Variants in SLC25A48 observed in about 807,000 individuals in gnomAD.
The protein encoded by SLC25A48 is solute carrier family 25 member 48.
In SLC25A48, 29 loss-of-function variants were observed where a neutral mutation model predicts 32.2. That is an observed-to-expected ratio of 0.90 (90% CI 0.67 to 1.23). The LOEUF (loss-of-function observed/expected upper bound fraction) is 1.23. Ranked by LOEUF, SLC25A48 falls within the 50% of genes most tolerant of loss-of-function variation. The probability of loss-of-function intolerance (pLI) is 0.00; values close to 1 mark genes in which losing one functional copy is unlikely to be tolerated. For synonymous variants in SLC25A48, 164 were observed against 172.3 expected (o/e 0.95, Z 0.38); for missense variants, 399 against 422.7 (o/e 0.94, Z 0.49).
intron 3 of SLC25A48, among the ~76,000 whole-genome samples, chr5:135,646,982 T>G (rs1752979360): frequency 1.3e-5 from 2 of 152,036 alleles, no homozygotes; most frequent in Admixed American, 6.6e-5. Context: ...TTGTACACTC[T>G]TTGCTTAGAG....
chr5:135,694,389 G>T (rs536198604), intron 3 of SLC25A48, among the ~76,000 whole-genome samples: 1 of 152,206 alleles, frequency 6.6e-6, no homozygotes. Context: ...GATGAAACCA[G>T]CTCCCCGTTA....
chr5:135,800,719 G>A (rs370542045), intron 3 of SLC25A48, among the ~76,000 whole-genome samples: 29 of 151,702 alleles, frequency 1.9e-4, no homozygotes, highest in African/African-American at 6.5e-4. Context: ...TATTTAGGAG[G>A]GGAGAGGGTG....
At chr5:135,865,893 T>C (rs1269249663) in intron 4 of SLC25A48, among the ~76,000 whole-genome samples, 2 of 152,242 alleles carry the variant, frequency 1.3e-5, no homozygotes, top group Non-Finnish European at 2.9e-5. Context: ...TATGGATTAC[T>C]AATATGTTTA....
intron 2 of SLC25A48, among the ~76,000 whole-genome samples, chr5:135,631,330 G>C (rs1333439056): frequency 1.3e-5 from 2 of 152,172 alleles, no homozygotes; most frequent in African/African-American, 4.8e-5. Flanking sequence ...ATGGACTGAT[G>C]TGTTTCCTGG....
At chr5:135,876,499 G>C (rs1477457322) in intron 6 of SLC25A48, 1 of 152,022 alleles carries the variant, frequency 6.6e-6, no homozygotes, top group African/African-American at 2.4e-5. Context: ...TGATCAGACG[G>C]TTCAAGGTTA....
At chr5:135,691,835 A>ACGTGGGG (rs1561792540) in intron 3 of SLC25A48, among the ~76,000 whole-genome samples, 1 of 151,968 alleles carries the variant, frequency 6.6e-6, no homozygotes, top group Admixed American at 6.6e-5. Context: ...TGAGCATGGG[A>ACGTGGGG]CACGGACTCT....
chr5:135,697,252 C>T (rs961520427), intron 3 of SLC25A48, among the ~76,000 whole-genome samples: 8 of 152,144 alleles, frequency 5.3e-5, no homozygotes, highest in South Asian at 2.1e-4. Context: ...CTGAGTGTCA[C>T]GGGTCACCTT....
chr5:135,595,652 A>G (rs759846640), intron 1 of SLC25A48, among the ~76,000 whole-genome samples: 2 of 152,202 alleles, frequency 1.3e-5, no homozygotes, highest in Non-Finnish European at 2.9e-5. Context: ...TTGCGCATAC[A>G]TGCTAGCTCT....
chr5:135,738,880 G>A (rs748170275), intron 3 of SLC25A48, among the ~76,000 whole-genome samples: 4 of 152,166 alleles, frequency 2.6e-5, no homozygotes, highest in Non-Finnish European at 4.4e-5. Context: ...TCAGGAGTTC[G>A]AGACCAGCCT....
At chr5:135,803,379 CT>C (rs1447085596) in intron 3 of SLC25A48, among the ~76,000 whole-genome samples, 1 of 150,648 alleles carries the variant, frequency 6.6e-6, no homozygotes, top group Non-Finnish European at 1.5e-5. Context: ...CTCTGTGATA[CT>C]ATTCATAATA....
chr5:135,611,821 T>C (rs1011966325), intron 1 of SLC25A48, among the ~76,000 whole-genome samples: 1 of 152,222 alleles, frequency 6.6e-6, no homozygotes, highest in African/African-American at 2.4e-5. Context: ...GATAAGAATG[T>C]TCCCCCTTAT....
At chr5:135,865,968 A>G (rs77225027) in intron 4 of SLC25A48, among the ~76,000 whole-genome samples, 5,728 of 152,300 alleles carry the variant, frequency 0.038, 351 homozygotes, top group African/African-American at 0.13. Context: ...GCACATATGT[A>G]TGTGTGAGAC....
At chr5:135,642,113 T>C (rs1752853069) in intron 3 of SLC25A48, among the ~76,000 whole-genome samples, 1 of 152,248 alleles carries the variant, frequency 6.6e-6, no homozygotes, top group Non-Finnish European at 1.5e-5. Context: ...TGTTTAGCTT[T>C]CATAAATCAA....
At chr5:135,740,222 C>A (rs1029602527) in intron 3 of SLC25A48, among the ~76,000 whole-genome samples, 1 of 151,920 alleles carries the variant, frequency 6.6e-6, no homozygotes, top group African/African-American at 2.4e-5. Flanking sequence ...CAGACGGTGT[C>A]TCGGTCTGTC....
intron 3 of SLC25A48, among the ~76,000 whole-genome samples, chr5:135,799,395 C>G (rs1044944135): frequency 3.3e-5 from 5 of 151,266 alleles, no homozygotes; most frequent in Non-Finnish European, 5.9e-5. Context: ...CAGTGCCCCC[C>G]CGCCCCGTGA....
intron 3 of SLC25A48, among the ~76,000 whole-genome samples, chr5:135,654,334 C>T (rs1753192768): frequency 6.6e-6 from 1 of 152,124 alleles, no homozygotes; most frequent in Non-Finnish European, 1.5e-5. Context: ...GAGTCGATTC[C>T]AATATTCTAT....
At chr5:135,591,808 T>A (rs909602523) in intron 1 of SLC25A48, among the ~76,000 whole-genome samples, 1 of 152,210 alleles carries the variant, frequency 6.6e-6, no homozygotes, top group Non-Finnish European at 1.5e-5. Context: ...ACCTGTGACG[T>A]TGACACCCAC....
intron 1 of SLC25A48, among the ~76,000 whole-genome samples, chr5:135,600,691 A>G (rs751924346): frequency 4.7e-5 from 7 of 150,388 alleles, no homozygotes; most frequent in Non-Finnish European, 8.9e-5. Context: ...TTATTTATTT[A>G]TTTTTTTTTG....
intron 4 of SLC25A48, among the ~76,000 whole-genome samples, chr5:135,853,671 T>C (rs1259205384): frequency 6.7e-6 from 1 of 149,358 alleles, no homozygotes; most frequent in African/African-American, 2.4e-5. Flanking sequence ...CCTTCCTCCA[T>C]GGAAGCCTTG....
Sources: allele counts gnomAD v4.1 joint callset (sites outside exome capture counted in the v4.1 genomes callset), GRCh38; gene constraint gnomAD v4.1.1; transcripts MANE v1.5; gene names NCBI Gene and HGNC (gene_info 2026-07-23, HGNC 2026-07-21).